THEMIS: variants seen among roughly 807,000 people sequenced by gnomAD.
THEMIS encodes protein THEMIS.
Under a neutral mutation model 52.6 loss-of-function variants are expected in THEMIS, and 37 were observed. The observed-to-expected ratio is 0.70, with a 90% CI of 0.54 to 0.93. THEMIS has a LOEUF of 0.93. Among genes scored for constraint, THEMIS ranks in the 40% least tolerant of loss-of-function variants. THEMIS has a pLI of 0.00. For missense variants in THEMIS, 808 were observed against 763.1 expected (o/e 1.06, Z -0.69); for synonymous variants, 292 against 272.7 (o/e 1.07, Z -0.70).
intron 3 of THEMIS, among the ~76,000 whole-genome samples, chr6:127,822,956 G>A (rs1188140967): frequency 1.3e-5 from 2 of 152,160 alleles, no homozygotes; most frequent in East Asian, 3.9e-4. Flanking sequence ...ATACTTGCAT[G>A]AGCCAATTCC....
chr6:127,847,698 T>C (rs1779265517), intron 2 of THEMIS, among the ~76,000 whole-genome samples: 1 of 151,838 alleles, frequency 6.6e-6, no homozygotes, highest in Non-Finnish European at 1.5e-5. Context: ...AGAGTCAATA[T>C]TGTGAAAATG....
At chr6:127,854,914 C>T (rs1051057951) in intron 2 of THEMIS, 116 bp downstream of exon 2, 1 of 839,776 alleles carries the variant, frequency 1.2e-6, no homozygotes. Flanking sequence ...CGGATTTTCC[C>T]CCCCATTATC....
intron 4 of THEMIS, among the ~76,000 whole-genome samples, chr6:127,770,139 G>A (rs1001225508): frequency 8.5e-5 from 13 of 152,204 alleles, no homozygotes; most frequent in African/African-American, 1.4e-4. Context: ...TATATACCCA[G>A]TAATGGGATC....
intron 4 of THEMIS, among the ~76,000 whole-genome samples, chr6:127,799,968 C>T (rs1446436104): frequency 6.6e-6 from 1 of 152,138 alleles, no homozygotes; most frequent in Non-Finnish European, 1.5e-5. Flanking sequence ...ATCAATTAGC[C>T]ATGGCTTGAA....
intron 1 of THEMIS, among the ~76,000 whole-genome samples, chr6:127,857,175 T>C (rs983449785): frequency 6.6e-6 from 1 of 151,862 alleles, no homozygotes; most frequent in Non-Finnish European, 1.5e-5. Context: ...GAAAGAACAA[T>C]TAAGCAGACA....
At chr6:127,723,506 C>G (rs2114496467) in intron 4 of THEMIS, among the ~76,000 whole-genome samples, 1 of 152,030 alleles carries the variant, frequency 6.6e-6, no homozygotes, top group East Asian at 1.9e-4. Flanking sequence ...AATCATGTAG[C>G]TTGATCTACC....
chr6:127,716,933 C>A (rs1774187567), intron 5 of THEMIS, among the ~76,000 whole-genome samples: 2 of 151,864 alleles, frequency 1.3e-5, no homozygotes, highest in Non-Finnish European at 2.9e-5. Context: ...TTCTCACCCC[C>A]TCCATGTTCA....
At chr6:127,869,796 C>T (rs1385558172) in intron 1 of THEMIS, among the ~76,000 whole-genome samples, 1 of 152,154 alleles carries the variant, frequency 6.6e-6, no homozygotes, top group African/African-American at 2.4e-5. Flanking sequence ...AAGGAACATC[C>T]TATACAACAA....
chr6:127,900,738 A>T, intron 1 of THEMIS, 104 bp downstream of exon 1: 1 of 967,476 alleles, frequency 1.0e-6, no homozygotes, highest in Non-Finnish European at 1.6e-6. Flanking sequence ...CCTTTCCTTT[A>T]CCAGAACTCA....
chr6:127,909,089 A>T (rs76029054), intron 1 of THEMIS, among the ~76,000 whole-genome samples: 2,671 of 152,076 alleles, frequency 0.018, 85 homozygotes, highest in African/African-American at 0.06. Flanking sequence ...AATATGCATT[A>T]AATACAAATT....
At chr6:127,763,660 A>G (rs1776097887) in intron 4 of THEMIS, among the ~76,000 whole-genome samples, 1 of 152,008 alleles carries the variant, frequency 6.6e-6, no homozygotes, top group Non-Finnish European at 1.5e-5. Flanking sequence ...TTTTCTCTTC[A>G]TATAAAACTA....
chr6:127,711,367 T>C (rs951115040), intron 5 of THEMIS, among the ~76,000 whole-genome samples: 2 of 152,012 alleles, frequency 1.3e-5, no homozygotes, highest in Non-Finnish European at 2.9e-5. Context: ...CACAGACTAC[T>C]TGAGAAGGAA....
intron 1 of THEMIS, among the ~76,000 whole-genome samples, chr6:127,917,462 G>T (rs1781550836): frequency 1.3e-5 from 2 of 152,220 alleles, no homozygotes; most frequent in African/African-American, 4.8e-5. Context: ...GTAGAATCTG[G>T]AATGTGTGAT....
chr6:127,868,687 A>C (rs1780060508), intron 1 of THEMIS, among the ~76,000 whole-genome samples: 1 of 152,142 alleles, frequency 6.6e-6, no homozygotes, highest in African/African-American at 2.4e-5. Context: ...GTCATAATTT[A>C]AAGGGTTGAG....
chr6:127,831,107 T>A (rs1433255521), intron 2 of THEMIS, among the ~76,000 whole-genome samples: 2 of 152,206 alleles, frequency 1.3e-5, no homozygotes, highest in African/African-American at 4.8e-5. Context: ...ATTACTTCTC[T>A]AATTTTTCCA....
At chr6:127,730,209 G>A (rs908146862) in intron 4 of THEMIS, among the ~76,000 whole-genome samples, 1 of 151,176 alleles carries the variant, frequency 6.6e-6, no homozygotes, top group Admixed American at 6.6e-5. Context: ...CAAGGCTGTA[G>A]TGAGCTGTGA....
At chr6:127,788,172 G>A (rs1046601118) in intron 4 of THEMIS, among the ~76,000 whole-genome samples, 21 of 152,248 alleles carry the variant, frequency 1.4e-4, no homozygotes, top group African/African-American at 3.6e-4. Context: ...CAGGGGAGAC[G>A]TCTCTAAACC....
intron 4 of THEMIS, among the ~76,000 whole-genome samples, chr6:127,753,314 G>A (rs977345616): frequency 3.3e-5 from 5 of 151,894 alleles, no homozygotes; most frequent in Admixed American, 6.6e-5. Context: ...CAGTAAATAC[G>A]TGGATACAAA....
chr6:127,730,277 TA>T (rs1259624679), intron 4 of THEMIS, among the ~76,000 whole-genome samples: 4 of 54,672 alleles, frequency 7.3e-5, no homozygotes, highest in South Asian at 3.5e-4. Context: ...CTATAGGAAA[TA>T]AAGAAAAGAA....
Sources: allele counts gnomAD v4.1 joint callset (sites outside exome capture counted in the v4.1 genomes callset), GRCh38; gene constraint gnomAD v4.1.1; transcripts MANE v1.5; gene names NCBI Gene and HGNC (gene_info 2026-07-23, HGNC 2026-07-21).